SLC4A5: variants seen among roughly 807,000 people sequenced by gnomAD.
SLC4A5 encodes the protein electrogenic sodium bicarbonate cotransporter 4.
In SLC4A5, 96 loss-of-function variants were observed where a neutral mutation model predicts 120.4. The observed-to-expected ratio is 0.80, with a 90% CI of 0.68 to 0.94. The LOEUF (loss-of-function observed/expected upper bound fraction) is 0.94, where lower values mean the gene tolerates loss of function less well. Among genes scored for constraint, SLC4A5 ranks in the 40% least tolerant of loss-of-function variants. SLC4A5 has a pLI of 0.00. For missense variants in SLC4A5, 1,259 were observed against 1,459.5 expected, an observed-to-expected ratio of 0.86 and a Z score of 2.24; for synonymous variants, 550 against 571.1, an observed-to-expected ratio of 0.96 and a Z score of 0.53.
intron 17 of SLC4A5, among the ~76,000 whole-genome samples, chr2:74,249,168 G>T (rs1670712950): frequency 6.6e-6 from 1 of 152,152 alleles, no homozygotes; most frequent in Non-Finnish European, 1.5e-5. Context: ...ATTGTTAAAT[G>T]TCTCCTGGGG....
In SLC4A5 at chr2:74,229,116, T is replaced by TTTTTTTTTG. The variant is rs1553451209; in HGVS notation, c.2848-1239_2848-1238insCAAAAAAAA. Among the ~76,000 whole-genome samples, 6 of 136,458 alleles carry TTTTTTTTTG rather than the reference T, an allele frequency of 4.4e-5. 2 individuals carry two copies. Among genetic ancestry groups the TTTTTTTTTG allele is most frequent in the Admixed American group, 2.4e-4 (3 of 12,536 alleles). 89.5% of individuals were successfully genotyped at this position (136,458 alleles called of 152,430 possible). A position where few individuals can be genotyped will look rare whatever the true frequency, so the allele number is the denominator to read the frequency against. ...TCTTAGATTTGAGCTTTTTTTTTTT[T>TTTTTTTTTG]CTTGAGACAGAGTCTCGATATGTTG... On this transcript the variant is annotated intron_variant, in intron 25 of 30. Coordinates refer to ENST00000394019, the Ensembl canonical transcript of SLC4A5.
At chr2:74,330,938 AGTTATAGGTGAG>A (rs1673348328) in intron 4 of SLC4A5, among the ~76,000 whole-genome samples, 2 of 102,904 alleles carry the variant, frequency 1.9e-5, no homozygotes, top group Non-Finnish European at 4.2e-5. Flanking sequence ...GTAGGTGGTG[AGTTATAGGTGAG>A]GGTGGTGAGG....
chr2:74,251,916 C>T lies in SLC4A5; in HGVS notation c.1478+263G>A, dbSNP rs114259624. On this transcript the variant is annotated intron_variant, in intron 16 of 30. Transcript: ENST00000394019. ...CCACCTAGTTTGTGGTACTTTGTTA[C>T]AGCAGACCCAGGAAACAGGCACCAA... 4.8e-3 allele frequency among the ~76,000 whole-genome samples: 732 copies of T among 152,314 alleles called. 6 individuals are homozygous for T. Among genetic ancestry groups the T allele is most frequent in the African/African-American group, 0.017 (699 of 41,574 alleles).
Position 74,262,242 on chromosome 2 carries a change from G to A in SLC4A5, c.716-10C>T. 6.2e-7 allele frequency: 1 copy of A among 1,612,424 alleles called. No individual in the cohort carries two copies. The highest frequency in any genetic ancestry group is 8.5e-7 in the Non-Finnish European group (1 of 1,178,900). On this transcript the variant is annotated splice_polypyrimidine_tract_variant and intron_variant, in intron 10 of 30. Transcript: ENST00000394019. ...CGGGCAGGACTGCGATCTGGGAGGA[G>A]AATCAGAAGGGACTTGGCTTCGACA... is the stretch of plus-strand genomic sequence containing the variant.
exon 21 of SLC4A5, chr2:74,239,401 G>T: frequency 6.2e-7 from 1 of 1,614,198 alleles, no homozygotes; most frequent in Non-Finnish European, 8.5e-7. Flanking sequence ...ATGTCCCAAA[G>T]AAAAGGATGA....
chr2:74,234,626 C>T (rs1325783344), intron 22 of SLC4A5, among the ~76,000 whole-genome samples: 2 of 152,178 alleles, frequency 1.3e-5, no homozygotes, highest in African/African-American at 4.8e-5. Context: ...GATTGCTGGT[C>T]CCACCCCCCA....
At chr2:74,342,219 T>G (rs1015790180) in intron 2 of SLC4A5, among the ~76,000 whole-genome samples, 2 of 152,214 alleles carry the variant, frequency 1.3e-5, no homozygotes, top group Non-Finnish European at 1.5e-5. Context: ...GTGACATCCT[T>G]TGTGCTAAAG....
In SLC4A5 at chr2:74,231,883, GAGA is replaced by G. The variant is rs77427349; in HGVS notation, c.2775-578_2775-576del. On this transcript the variant is annotated intron_variant, in intron 24 of 30. Transcript: ENST00000394019. Reference sequence around the variant, plus strand: ...CGGTCCAAGTATCTCAAGATAGTGGGAGAAGTTCTTAGGGCAGCCACGTAGGAG... The same window carrying G: ...CGGTCCAAGTATCTCAAGATAGTGGGAGTTCTTAGGGCAGCCACGTAGGAG... Among the ~76,000 whole-genome samples, 65 of 152,310 alleles carry G rather than the reference GAGA, an allele frequency of 4.3e-4. No individual in the cohort carries two copies. In the East Asian group the frequency reaches 0.012, roughly 28 times the overall value.
intron 27 of SLC4A5, among the ~76,000 whole-genome samples, chr2:74,226,264 C>T (rs1254053072): frequency 2.0e-5 from 3 of 152,148 alleles, no homozygotes; most frequent in South Asian, 2.1e-4. Context: ...TTGTCCCCTA[C>T]CCCAGAGCCC....
intron 9 of SLC4A5, among the ~76,000 whole-genome samples, chr2:74,264,794 C>T (rs979152911): frequency 2.1e-4 from 32 of 152,118 alleles, no homozygotes; most frequent in African/African-American, 7.5e-4. Flanking sequence ...ACCCATTTTA[C>T]CCTGAAAAGA....
chr2:74,235,329 C>T (rs1051972862), intron 21 of SLC4A5, 115 bp from the exon 22 acceptor site: 3 of 711,558 alleles, frequency 4.2e-6, no homozygotes, highest in Non-Finnish European at 7.2e-6. Context: ...GCTCTGAAGG[C>T]AGCAGAACTA....
chr2:74,305,721 C>CTTTTTT (rs35627197), intron 6 of SLC4A5, among the ~76,000 whole-genome samples: 6 of 115,340 alleles, frequency 5.2e-5, no homozygotes, highest in African/African-American at 8.4e-5. Flanking sequence ...CTTTTCTTTC[C>CTTTTTT]TTTTTTTTTT....
Position 74,229,104 on chromosome 2 carries a change from C to CTTTTTTTTTTTTTTTTT in SLC4A5, c.2848-1227_2848-1226insAAAAAAAAAAAAAAAAA, listed in dbSNP as rs55689286. On this transcript the variant is annotated intron_variant, in intron 25 of 30. Coordinates refer to ENST00000394019, the Ensembl canonical transcript of SLC4A5. The stretch of plus-strand genomic sequence containing the variant: ...AAAGAAGTCTGTTCTTAGATTTGAG[C>CTTTTTTTTTTTTTTTTT]TTTTTTTTTTTTCTTGAGACAGAGT... 4.8e-4 allele frequency among the ~76,000 whole-genome samples: 47 copies of CTTTTTTTTTTTTTTTTT among 98,582 alleles called. 2 individuals carry two copies. The highest frequency in any genetic ancestry group is 5.8e-4 in the Non-Finnish European group (33 of 56,670). 64.7% of individuals were successfully genotyped at this position (98,582 alleles called of 152,430 possible).
In SLC4A5 at chr2:74,239,580, T is replaced by C. The variant is rs778149244; in HGVS notation, c.2119-45A>G. The C allele has an allele frequency of 6.3e-6, 10 of 1,592,892 alleles. No individual in the cohort carries two copies. The Admixed American group carries it at 6.7e-5, about 11-fold the overall frequency. On this transcript the variant is annotated intron_variant, in intron 20 of 30. Transcript: ENST00000394019. ...AGAGAATGGGTCAGCATCTTCCTGATGAGTCAGCTGTGTCCTTCCCACTGC... is the reference window on the plus strand; with the variant it reads ...AGAGAATGGGTCAGCATCTTCCTGACGAGTCAGCTGTGTCCTTCCCACTGC...
chr2:74,339,546 G>A (rs1314520576), intron 2 of SLC4A5: 1 of 152,246 alleles, frequency 6.6e-6, no homozygotes, highest in Non-Finnish European at 1.5e-5. Flanking sequence ...CAGGGAAGAG[G>A]TCACAGAAAC....
At chr2:74,248,608 C>T (rs1012665608) in intron 17 of SLC4A5, 122 bp from the exon 18 acceptor site, 5 of 1,158,094 alleles carry the variant, frequency 4.3e-6, no homozygotes, top group Non-Finnish European at 4.8e-6. Context: ...GTTCTGGGCC[C>T]TTTCCTCCCT....
intron 7 of SLC4A5, among the ~76,000 whole-genome samples, chr2:74,291,308 G>T (rs1427527378): frequency 6.6e-6 from 1 of 152,234 alleles, no homozygotes; most frequent in South Asian, 2.1e-4. Context: ...CCTGGGTTTG[G>T]TTTAACAAGT....
chr2:74,315,808 A>G (rs1468353905), intron 5 of SLC4A5, among the ~76,000 whole-genome samples: 1 of 151,928 alleles, frequency 6.6e-6, no homozygotes, highest in Non-Finnish European at 1.5e-5. Context: ...ACGAAAAAGA[A>G]AAAACAAAAG....
chr2:74,298,177 T>A (rs1045484696), intron 7 of SLC4A5, among the ~76,000 whole-genome samples: 1 of 152,222 alleles, frequency 6.6e-6, no homozygotes, highest in Non-Finnish European at 1.5e-5. Context: ...CAAGCTATAT[T>A]ACAAAGCTAT....
Sources: allele counts gnomAD v4.1 joint callset (sites outside exome capture counted in the v4.1 genomes callset), GRCh38; gene constraint gnomAD v4.1.1; transcripts MANE v1.5; gene names NCBI Gene and HGNC (gene_info 2026-07-23, HGNC 2026-07-21).